Variants in PUS7 observed in about 807,000 individuals in gnomAD.
PUS7 encodes the protein pseudouridylate synthase 7 homolog.
In PUS7, 48 loss-of-function variants were observed where a neutral mutation model predicts 79.8. That is an observed-to-expected ratio of 0.60 (90% CI 0.48 to 0.76). The LOEUF is 0.76. Ranked by LOEUF, PUS7 falls within the 30% of genes least tolerant of loss-of-function variation. The probability of loss-of-function intolerance (pLI) is 0.00; values close to 1 mark genes in which losing one functional copy is unlikely to be tolerated. For synonymous variants in PUS7, 286 were observed against 272.2 expected (o/e 1.05, Z -0.50); for missense variants, 729 against 797.6 (o/e 0.91, Z 1.04).
At chr7:105,484,832 A>T in intron 7 of PUS7, among the ~76,000 whole-genome samples, 1 of 147,448 alleles carries the variant, frequency 6.8e-6, no homozygotes, top group Non-Finnish European at 1.5e-5. Flanking sequence ...TTTAACTCAT[A>T]CTTAGGATGT....
At chr7:105,513,557 C>T (rs1192429411) in intron 1 of PUS7, among the ~76,000 whole-genome samples, 2 of 152,212 alleles carry the variant, frequency 1.3e-5, no homozygotes, top group Admixed American at 6.5e-5. Context: ...CGGTGGCTCA[C>T]GCCTGTAATC....
chr7:105,467,034 GTTTTTTTTT>G (rs56177512), intron 12 of PUS7, among the ~76,000 whole-genome samples: 4,201 of 70,802 alleles, frequency 0.059, 121 homozygotes, highest in African/African-American at 0.11. Flanking sequence ...AGTTTTTTCT[GTTTTTTTTT>G]TTTTTTTTTT....
At chr7:105,521,805 C>CGG (rs1826127166) in intron 1 of PUS7, among the ~76,000 whole-genome samples, 1 of 149,900 alleles carries the variant, frequency 6.7e-6, no homozygotes, top group South Asian at 2.1e-4. Flanking sequence ...CCGGGCAGAG[C>CGG]GGAGCGGGGA....
At chr7:105,505,913 T>G in intron 4 of PUS7, 42 bp downstream of exon 4, 1 of 1,510,908 alleles carries the variant, frequency 6.6e-7, no homozygotes, top group Non-Finnish European at 9.1e-7. Flanking sequence ...AAAAAGCAAC[T>G]AAAACCCTAA....
intron 12 of PUS7, among the ~76,000 whole-genome samples, chr7:105,466,968 G>C (rs775700047): frequency 6.7e-6 from 1 of 149,994 alleles, no homozygotes; most frequent in Non-Finnish European, 1.5e-5. Context: ...ATAGATGGTA[G>C]CCTAGTATGC....
At chr7:105,495,117 T>C in intron 6 of PUS7, 25 bp downstream of exon 6, 3 of 1,347,720 alleles carry the variant, frequency 2.2e-6, no homozygotes, top group Non-Finnish European at 1.0e-6. Context: ...TTTGATTTTG[T>C]ATAGGCATAA....
intron 5 of PUS7, among the ~76,000 whole-genome samples, chr7:105,497,629 T>C (rs1246105988): frequency 6.6e-6 from 1 of 152,192 alleles, no homozygotes; most frequent in East Asian, 1.9e-4. Flanking sequence ...CAAAACCAAA[T>C]ATGCAATAGG....
rs1470891690 is a variant in PUS7, at chr7:105,508,562, AAAGT to A, written c.-32-22_-32-19del. ...AAGAAAACCTGTTAGGAAAGAGTAG[AAAGT>A]AACAATCACCTATATAAAAGCTGGT... On this transcript the variant is annotated intron_variant, in intron 1 of 15. Transcript: ENST00000469408. The A allele has an allele frequency of 1.9e-6, 3 of 1,573,850 alleles. No individual in the cohort carries two copies. Among genetic ancestry groups the A allele is most frequent in the Non-Finnish European group, 2.6e-6 (3 of 1,162,120 alleles).
At chr7:105,479,084 A>G (rs778462968) in intron 9 of PUS7, among the ~76,000 whole-genome samples, 8 of 152,120 alleles carry the variant, frequency 5.3e-5, no homozygotes, top group Non-Finnish European at 1.2e-4. Context: ...AAGGTTGAAA[A>G]CATATTAGCA....
intron 12 of PUS7, 88 bp downstream of exon 12, chr7:105,468,249 A>AT (rs963550305): frequency 1.5e-5 from 23 of 1,510,406 alleles, no homozygotes; most frequent in Non-Finnish European, 2.0e-5. Context: ...CTCTTTCTTA[A>AT]TTAATAGCCA....
chr7:105,470,538 A>C (rs1311414590), intron 11 of PUS7, 150 bp downstream of exon 11: 8 of 860,982 alleles, frequency 9.3e-6, no homozygotes, highest in East Asian at 8.2e-5. Flanking sequence ...GGGTCTGAAC[A>C]AAGACTACTC....
rs1352689638 is a variant in PUS7, at chr7:105,506,063, A to G, written c.484-7T>C. 6.2e-7 allele frequency: 1 copy of G among 1,609,186 alleles called. No individual in the cohort carries two copies. Among genetic ancestry groups the G allele is most frequent in the East Asian group, 2.2e-5 (1 of 44,844 alleles). ...ATATGTCTTCTGAAGGGTCCTTTAAAATAACCATGAGAACTCACAATGAAT... is the reference window on the plus strand; with the variant it reads ...ATATGTCTTCTGAAGGGTCCTTTAAGATAACCATGAGAACTCACAATGAAT... On this transcript the variant is annotated splice_region_variant and splice_polypyrimidine_tract_variant and intron_variant, in intron 3 of 15. Coordinates refer to ENST00000469408, the MANE Select transcript of PUS7 (RefSeq NM_019042.5).
At chr7:105,510,755 T>G (rs1825670890) in intron 1 of PUS7, among the ~76,000 whole-genome samples, 1 of 152,120 alleles carries the variant, frequency 6.6e-6, no homozygotes, top group Non-Finnish European at 1.5e-5. Flanking sequence ...CCTCAAGTGA[T>G]CTTCCCACAC....
At chr7:105,459,439 A>G (rs1026412788) in intron 14 of PUS7, among the ~76,000 whole-genome samples, 180 bp from the exon 15 acceptor site, 5 of 143,958 alleles carry the variant, frequency 3.5e-5, no homozygotes, top group Non-Finnish European at 6.1e-5. Context: ...TATATATATA[A>G]TTTTTTTTTT....
intron 7 of PUS7, among the ~76,000 whole-genome samples, chr7:105,490,457 C>A (rs1234553703): frequency 1.3e-5 from 2 of 152,046 alleles, no homozygotes; most frequent in Non-Finnish European, 2.9e-5. Context: ...TGGGTTCAGA[C>A]CCTTATTCTC....
intron 1 of PUS7, among the ~76,000 whole-genome samples, chr7:105,520,153 G>A (rs191993011): frequency 0.012 from 1,771 of 152,044 alleles, 32 homozygotes; most frequent in African/African-American, 0.041. Flanking sequence ...GTGAAACCCC[G>A]TCTCTACTAA....
rs930150467 is a variant in PUS7, at chr7:105,497,059, C to T, written c.731-1806G>A. 2.1e-5 allele frequency: 21 copies of T among 1,019,012 alleles called. No homozygotes were observed. In the South Asian group the frequency reaches 3.3e-4, roughly 16 times the overall value. 63.1% of individuals were successfully genotyped at this position (1,019,012 alleles called of 1,614,324 possible). On this transcript the variant is annotated intron_variant, in intron 5 of 15. Transcript: ENST00000469408. ...CTTTAGAGGTGAACATGCAAATGATCGCATGGTTAAGTTTACACTGAGGAC... is the reference window on the plus strand; with the variant it reads ...CTTTAGAGGTGAACATGCAAATGATTGCATGGTTAAGTTTACACTGAGGAC...
intron 14 of PUS7, among the ~76,000 whole-genome samples, chr7:105,460,583 G>A (rs1012066107): frequency 3.3e-5 from 5 of 151,974 alleles, no homozygotes; most frequent in East Asian, 3.9e-4. Context: ...GGCCGGGCGC[G>A]GTGGCTCACG....
Position 105,507,193 on chromosome 7 carries a change from G to A in PUS7, c.399-920C>T, listed in dbSNP as rs541441325. Among the ~76,000 whole-genome samples the A allele has an allele frequency of 1.2e-4, 18 of 151,328 alleles. No homozygotes were observed. In the East Asian group the frequency reaches 2.6e-3, roughly 22 times the overall value. ...ACCGAGTAGCTGGGATTACAGGCGC[G>A]TGCCACTACGCCAGGCTAATTTTTG... On this transcript the variant is annotated intron_variant, in intron 2 of 15. Coordinates refer to ENST00000469408, the MANE Select transcript of PUS7 (RefSeq NM_019042.5).
Sources: allele counts gnomAD v4.1 joint callset (sites outside exome capture counted in the v4.1 genomes callset), GRCh38; gene constraint gnomAD v4.1.1; transcripts MANE v1.5; gene names NCBI Gene and HGNC (gene_info 2026-07-23, HGNC 2026-07-21).